Variants in TMTC1 observed in about 807,000 individuals in gnomAD.
TMTC1 encodes transmembrane O-mannosyltransferase targeting cadherins 1.
In TMTC1, 73 loss-of-function variants were observed where a neutral mutation model predicts 104.8. The observed-to-expected ratio is 0.70, with a 90% CI of 0.58 to 0.85. TMTC1 has a LOEUF of 0.85. TMTC1 is among the 40% of genes least tolerant of loss of function. TMTC1 has a pLI of 0.00. For synonymous variants in TMTC1, 434 were observed against 428.7 expected, an observed-to-expected ratio of 1.01 and a Z score of -0.15; for missense variants, 1,035 against 1,096.1, an observed-to-expected ratio of 0.94 and a Z score of 0.79.
At position 29,517,697 on chromosome 12, in the gene TMTC1, T is replaced by C. The variant is rs77325490; in HGVS notation, c.2025-126A>G. 2.7e-3 allele frequency: 3,015 copies of C among 1,100,320 alleles called. 78 individuals carry two copies. The African/African-American group carries it at 0.044, about 16-fold the overall frequency. 68.2% of individuals were successfully genotyped at this position (1,100,320 alleles called of 1,614,324 possible). A position where few individuals can be genotyped will look rare whatever the true frequency, so the allele number is the denominator to read the frequency against. On this transcript the variant is annotated intron_variant, in intron 13 of 17. Coordinates refer to ENST00000539277, the MANE Select transcript of TMTC1 (RefSeq NM_001193451.2). ...TGCTCCAATACGGTCTTTGTTTTTA[T>C]ATCAATAACAAGGTTTTTGGCTTTT... is the stretch of plus-strand genomic sequence containing the variant.
At chr12:29,771,942 C>T (rs937780019) in intron 1 of TMTC1, among the ~76,000 whole-genome samples, 2 of 152,100 alleles carry the variant, frequency 1.3e-5, no homozygotes, top group Non-Finnish European at 2.9e-5. Context: ...TAGCACAATG[C>T]CTCATTCATG....
chr12:29,666,192 T>C (rs1452052255), intron 5 of TMTC1: 8 of 432,702 alleles, frequency 1.8e-5, no homozygotes, highest in Non-Finnish European at 3.2e-5. Context: ...ATTGTAAACA[T>C]CTACCCCTTT....
At chr12:29,685,500 C>T (rs1056818767) in intron 5 of TMTC1, among the ~76,000 whole-genome samples, 22 of 151,780 alleles carry the variant, frequency 1.4e-4, no homozygotes, top group African/African-American at 5.3e-4. Context: ...CTTAAAAAGA[C>T]AAAACATAAA....
intron 5 of TMTC1, among the ~76,000 whole-genome samples, chr12:29,665,217 G>A (rs551451825): frequency 1.3e-5 from 2 of 152,286 alleles, no homozygotes; most frequent in East Asian, 1.9e-4. Flanking sequence ...CCTTCACCTG[G>A]AGGAGGCCCT....
chr12:29,518,384 G>T, intron 13 of TMTC1, 88 bp downstream of exon 13: 1 of 1,462,488 alleles, frequency 6.8e-7, no homozygotes, highest in South Asian at 1.5e-5. Context: ...AGTATTCTGA[G>T]AGCACACCTA....
At chr12:29,518,730 A>G in intron 12 of TMTC1, 123 bp from the exon 13 acceptor site, 1 of 1,237,718 alleles carries the variant, frequency 8.1e-7, no homozygotes, top group Non-Finnish European at 1.1e-6. Flanking sequence ...AAAATTATTC[A>G]ATATGCAAAT....
At chr12:29,720,916 C>T (rs1317720776) in intron 5 of TMTC1, among the ~76,000 whole-genome samples, 1 of 152,004 alleles carries the variant, frequency 6.6e-6, no homozygotes, top group Non-Finnish European at 1.5e-5. Flanking sequence ...AAAGAGAAAA[C>T]CCTGATTATA....
chr12:29,554,881 GCACAC>G (rs1158187453), intron 10 of TMTC1, among the ~76,000 whole-genome samples: 1 of 152,026 alleles, frequency 6.6e-6, no homozygotes, highest in African/African-American at 2.4e-5. Flanking sequence ...ATATAAAGAA[GCACAC>G]CGAATGTGTT....
chr12:29,776,121 A>C (rs1943701775), intron 1 of TMTC1, among the ~76,000 whole-genome samples: 1 of 152,196 alleles, frequency 6.6e-6, no homozygotes, highest in South Asian at 2.1e-4. Flanking sequence ...TAGGAACCTG[A>C]GATTGGAGTG....
At chr12:29,645,263 A>C (rs1939215875) in intron 5 of TMTC1, among the ~76,000 whole-genome samples, 3 of 152,216 alleles carry the variant, frequency 2.0e-5, no homozygotes, top group African/African-American at 7.2e-5. Flanking sequence ...TTGTCCAGGC[A>C]TATAGTTGAG....
intron 10 of TMTC1, among the ~76,000 whole-genome samples, chr12:29,545,062 C>A (rs1384166339): frequency 6.6e-6 from 1 of 152,042 alleles, no homozygotes; most frequent in African/African-American, 2.4e-5. Context: ...TAGTAGGAGG[C>A]AATAAATGCT....
chr12:29,619,958 G>A (rs1319209839), intron 6 of TMTC1, among the ~76,000 whole-genome samples: 1 of 152,216 alleles, frequency 6.6e-6, no homozygotes, highest in African/African-American at 2.4e-5. Flanking sequence ...AGGTGGGGAG[G>A]AGAGCATTAA....
intron 5 of TMTC1, among the ~76,000 whole-genome samples, chr12:29,662,664 C>G (rs933151233): frequency 1.1e-5 from 1 of 89,964 alleles, no homozygotes; most frequent in African/African-American, 4.7e-5. Context: ...GAGACTCCGT[C>G]TCAAAAAAAA....
At chr12:29,644,111 ATG>A (rs371107912) in intron 5 of TMTC1, among the ~76,000 whole-genome samples, 7,038 of 74,386 alleles carry the variant, frequency 0.095, 1,096 homozygotes, top group East Asian at 0.51. Context: ...ATAAATATAT[ATG>A]TGTGTGTGTG....
At chr12:29,645,504 T>G (rs1021934614) in intron 5 of TMTC1, among the ~76,000 whole-genome samples, 19 of 152,240 alleles carry the variant, frequency 1.2e-4, no homozygotes, top group African/African-American at 4.6e-4. Context: ...GCCATTAATA[T>G]AGTAATCTTA....
intron 7 of TMTC1, among the ~76,000 whole-genome samples, chr12:29,601,980 C>T (rs1223859957): frequency 1.3e-5 from 2 of 151,398 alleles, no homozygotes; most frequent in Non-Finnish European, 2.9e-5. Context: ...GGACTACAGG[C>T]GCCCGCCACC....
chr12:29,578,778 A>G lies in TMTC1; in HGVS notation c.1418+4629T>C, dbSNP rs189031296. Among the ~76,000 whole-genome samples, 35 of 152,338 alleles carry G rather than the reference A, an allele frequency of 2.3e-4. 1 individual carries two copies. In the East Asian group the frequency reaches 4.8e-3, roughly 21 times the overall value. On this transcript the variant is annotated intron_variant, in intron 8 of 17. Coordinates refer to ENST00000539277, the MANE Select transcript of TMTC1 (RefSeq NM_001193451.2). The stretch of plus-strand genomic sequence containing the variant: ...ATCCCCAAATTCCTAATTGCAGAAC[A>G]AACATGAAAAAAATACTTGTAGTGT...
intron 5 of TMTC1, among the ~76,000 whole-genome samples, chr12:29,675,991 G>A (rs1033578513): frequency 6.6e-6 from 1 of 152,154 alleles, no homozygotes; most frequent in Non-Finnish European, 1.5e-5. Flanking sequence ...AACAGAAGCT[G>A]ATATTTCAAA....
Position 29,612,409 on chromosome 12 carries a change from A to T in TMTC1, c.1129-8110T>A, listed in dbSNP as rs559802494. 1.0e-3 allele frequency among the ~76,000 whole-genome samples: 155 copies of T among 148,052 alleles called. 2 individuals carry two copies. The highest frequency in any genetic ancestry group is 7.3e-3 in the South Asian group (35 of 4,798). On this transcript the variant is annotated intron_variant, in intron 6 of 17. Transcript: ENST00000539277. ...AAATGGTTCATCCATTCATCTTTTTAAAAAAAAATTTTTTTTTGAGACAGG... is the reference window on the plus strand; with the variant it reads ...AAATGGTTCATCCATTCATCTTTTTTAAAAAAAATTTTTTTTTGAGACAGG...
Sources: gnomAD v4.1 joint callset for allele counts (sites outside exome capture counted in the v4.1 genomes callset) on GRCh38, gnomAD v4.1.1 for gene constraint, MANE v1.5 for transcripts, NCBI Gene and HGNC (gene_info 2026-07-23, HGNC 2026-07-21) for gene names.